Variants in ZNF407 observed in about 807,000 individuals in gnomAD.
ZNF407 encodes zinc finger protein 407.
A neutral mutation model predicts 131.2 loss-of-function variants in ZNF407; 17 were observed. That is an observed-to-expected ratio of 0.13 (90% confidence interval 0.09 to 0.19). The LOEUF is 0.19. ZNF407 is among the 10% of genes least tolerant of loss of function. ZNF407 has a pLI of 1.00. For missense variants in ZNF407, 2,681 were observed against 2,830.6 expected, an observed-to-expected ratio of 0.95 and a Z score of 1.20; for synonymous variants, 1,156 against 1,062.0, an observed-to-expected ratio of 1.09 and a Z score of -1.72.
chr18:74,783,068 T>G (rs1275693098), intron 4 of ZNF407, among the ~76,000 whole-genome samples: 1 of 152,210 alleles, frequency 6.6e-6, no homozygotes, highest in East Asian at 1.9e-4. Context: ...TAAGTGTTGT[T>G]TAAGTATGTA....
In ZNF407 at chr18:74,634,946, G is replaced by A; in HGVS notation, c.3927G>A (p.Leu1309=). The change falls in exon 2 of 9, where the codon CTG becomes CTA. Residue 1309 remains leucine (L), a synonymous_variant. Coordinates refer to ENST00000299687, the MANE Select transcript of ZNF407 (RefSeq NM_017757.3). ...EDPVLGNKEI[L]MNSQHETEFI... is the part of the protein sequence containing the mutation. ...CCGTTCTGGGGAATAAGGAAATTCTGATGAATTCACAACATGAAACAGAAT... is the reference window on the plus strand; with the variant it reads ...CCGTTCTGGGGAATAAGGAAATTCTAATGAATTCACAACATGAAACAGAAT... 2 of 1,614,004 alleles carry A rather than the reference G, an allele frequency of 1.2e-6. No homozygotes were observed. Among genetic ancestry groups the A allele is most frequent in the South Asian group, 2.2e-5 (2 of 91,086 alleles).
chr18:74,962,283 A>G (rs1243564459), intron 8 of ZNF407, among the ~76,000 whole-genome samples: 3 of 152,222 alleles, frequency 2.0e-5, no homozygotes, highest in Non-Finnish European at 2.9e-5. Context: ...TTACTCAGGG[A>G]CACAATGATT....
In ZNF407 at chr18:74,802,896, C is replaced by G. The variant is rs191902814; in HGVS notation, c.4877+21394C>G. On this transcript the variant is annotated intron_variant, in intron 4 of 8. Transcript: ENST00000299687. ...TGACATTAAGCCAGCAATCAACCAA[C>G]CAATAGTAGGAATGTGTTTTTTTGT... 3.3e-5 allele frequency among the ~76,000 whole-genome samples: 5 copies of G among 152,082 alleles called. No homozygotes were observed. In the East Asian group the frequency reaches 9.7e-4, roughly 29 times the overall value.
At chr18:75,012,773 G>A (rs1165069189) in intron 8 of ZNF407, among the ~76,000 whole-genome samples, 1 of 151,608 alleles carries the variant, frequency 6.6e-6, no homozygotes, top group Admixed American at 6.6e-5. Context: ...TAATAGAAAA[G>A]AGATGATATA....
chr18:74,602,043 G>C (rs1982606865), intron 1 of ZNF407, among the ~76,000 whole-genome samples: 1 of 152,148 alleles, frequency 6.6e-6, no homozygotes. Flanking sequence ...TAGTGGAAAG[G>C]CTTTTTGTTC....
At chr18:74,754,839 G>T (rs1599125727) in intron 3 of ZNF407, among the ~76,000 whole-genome samples, 1 of 152,310 alleles carries the variant, frequency 6.6e-6, no homozygotes, top group Non-Finnish European at 1.5e-5. Context: ...ATTCGGGGTG[G>T]AGAGTTCTGT....
rs970613858 is a variant in ZNF407, at chr18:74,658,419, G to A, written c.4802+17297G>A. Among the ~76,000 whole-genome samples the A allele has an allele frequency of 1.3e-4, 20 of 152,102 alleles. No individual in the cohort carries two copies. In the East Asian group the frequency reaches 2.7e-3, roughly 21 times the overall value. On this transcript the variant is annotated intron_variant, in intron 3 of 8. Transcript: ENST00000299687. ...GTGTGTGCCACCGCGCCTGGCCTTC[G>A]TCTTTATTTTTTAAAGTTGTTCAGT...
At chr18:74,945,904 T>G (rs984827712) in intron 8 of ZNF407, among the ~76,000 whole-genome samples, 2 of 151,916 alleles carry the variant, frequency 1.3e-5, no homozygotes, top group African/African-American at 4.8e-5. Flanking sequence ...CAAAGCTGTC[T>G]CCCCGACATC....
intron 4 of ZNF407, among the ~76,000 whole-genome samples, chr18:74,835,324 C>T (rs896118558): frequency 2.0e-5 from 3 of 152,152 alleles, no homozygotes; most frequent in Admixed American, 6.6e-5. Flanking sequence ...GAAGGGAAGA[C>T]GGTTCAGTTC....
chr18:74,671,650 TA>T (rs1986145202), intron 3 of ZNF407, among the ~76,000 whole-genome samples: 1 of 152,198 alleles, frequency 6.6e-6, no homozygotes, highest in Non-Finnish European at 1.5e-5. Flanking sequence ...TTGCTAAGGA[TA>T]ATAGCCTCCA....
Position 74,633,848 on chromosome 18 carries a change from T to C in ZNF407, c.2829T>C (p.Asp943=), listed in dbSNP as rs1196284960. The change falls in exon 2 of 9, where the codon GAT becomes GAC. Residue 943 remains aspartate (D), a synonymous_variant. Transcript: ENST00000299687. ...KNAGSAVTMS[D]EHANKPAESP... is the part of the protein sequence containing the mutation. ...CTGGCTCAGCAGTGACCATGTCAGA[T>C]GAACATGCTAACAAACCAGCTGAGT... 1 of 1,614,004 alleles carries C rather than the reference T, an allele frequency of 6.2e-7. No homozygotes were observed. The highest frequency in any genetic ancestry group is 2.2e-5 in the East Asian group (1 of 44,888).
At chr18:74,827,846 C>T (rs1970429429) in intron 4 of ZNF407, among the ~76,000 whole-genome samples, 1 of 152,208 alleles carries the variant, frequency 6.6e-6, no homozygotes, top group South Asian at 2.1e-4. Context: ...ACTAATACCA[C>T]CAATTCCAAT....
intron 7 of ZNF407, among the ~76,000 whole-genome samples, chr18:74,914,848 A>G (rs568792621): frequency 2.0e-5 from 3 of 152,158 alleles, no homozygotes; most frequent in Admixed American, 2.0e-4. Flanking sequence ...GACAGTTCTT[A>G]GTGAATCCCC....
intron 4 of ZNF407, among the ~76,000 whole-genome samples, chr18:74,837,132 A>T (rs1200204828): frequency 6.6e-6 from 1 of 152,202 alleles, no homozygotes; most frequent in Non-Finnish European, 1.5e-5. Flanking sequence ...ACCTACTATT[A>T]AATGTGTTGA....
chr18:74,738,422 GAAAAAA>G (rs10602546), intron 3 of ZNF407, among the ~76,000 whole-genome samples: 6 of 65,722 alleles, frequency 9.1e-5, no homozygotes, highest in African/African-American at 3.6e-4. Context: ...TCTGTCTCAA[GAAAAAA>G]AAAAAAAAAA....
At chr18:74,748,277 ATT>A (rs1968716534) in intron 3 of ZNF407, among the ~76,000 whole-genome samples, 1 of 151,246 alleles carries the variant, frequency 6.6e-6, no homozygotes, top group African/African-American at 2.4e-5. Context: ...ACATTTAAAA[ATT>A]CTTTCTTTTT....
chr18:74,809,861 G>A (rs948797296), intron 4 of ZNF407, among the ~76,000 whole-genome samples: 20 of 152,250 alleles, frequency 1.3e-4, no homozygotes, highest in Non-Finnish European at 2.8e-4. Context: ...TAGCACCACA[G>A]TAATGGGAGT....
intron 4 of ZNF407, among the ~76,000 whole-genome samples, chr18:74,811,966 G>T (rs943225772): frequency 6.6e-6 from 1 of 151,138 alleles, no homozygotes; most frequent in Non-Finnish European, 1.5e-5. Flanking sequence ...CACCAGCATG[G>T]CACATGTATA....
intron 1 of ZNF407, among the ~76,000 whole-genome samples, chr18:74,613,182 G>A (rs1050852954): frequency 2.0e-5 from 3 of 152,158 alleles, no homozygotes; most frequent in Non-Finnish European, 4.4e-5. Context: ...CTTTGCTTAG[G>A]CAATTTCTTG....
Sources: gnomAD v4.1 joint callset for allele counts (sites outside exome capture counted in the v4.1 genomes callset) on GRCh38, gnomAD v4.1.1 for gene constraint, MANE v1.5 for transcripts, NCBI Gene and HGNC (gene_info 2026-07-23, HGNC 2026-07-21) for gene names.